The following ZNF385B variants were observed in gnomAD, a reference collection of about 807,000 sequenced individuals.
ZNF385B encodes the protein zinc finger protein 385B, also known as zinc finger protein 533.
A neutral mutation model predicts 39.2 loss-of-function variants in ZNF385B; 23 were observed. The observed-to-expected ratio is 0.59, with a 90% confidence interval of 0.42 to 0.83. The LOEUF (loss-of-function observed/expected upper bound fraction) is 0.83. Ranked by LOEUF, ZNF385B falls within the 40% of genes least tolerant of loss-of-function variation. The pLI is 0.00. For missense variants in ZNF385B, 552 were observed against 598.9 expected, an observed-to-expected ratio of 0.92 and a Z score of 0.82; for synonymous variants, 205 against 222.6, an observed-to-expected ratio of 0.92 and a Z score of 0.70.
At chr2:179,801,208 T>C (rs922532696) in intron 1 of ZNF385B, among the ~76,000 whole-genome samples, 1 of 152,098 alleles carries the variant, frequency 6.6e-6, no homozygotes, top group Non-Finnish European at 1.5e-5. Flanking sequence ...TCCTTCATAC[T>C]ATGGAGTTGT....
chr2:179,798,688 G>A (rs958114386), intron 1 of ZNF385B, among the ~76,000 whole-genome samples: 1 of 151,924 alleles, frequency 6.6e-6, no homozygotes, highest in Non-Finnish European at 1.5e-5. Flanking sequence ...CTTTTATTTT[G>A]TTCCCATGGT....
At chr2:179,611,684 A>G (rs1021742250) in intron 3 of ZNF385B, among the ~76,000 whole-genome samples, 4 of 152,152 alleles carry the variant, frequency 2.6e-5, no homozygotes, top group African/African-American at 9.7e-5. Context: ...GGGAGACTTT[A>G]TTATGGCTTT....
chr2:179,698,702 C>A (rs528281697), intron 3 of ZNF385B, among the ~76,000 whole-genome samples: 2 of 152,128 alleles, frequency 1.3e-5, no homozygotes, highest in Non-Finnish European at 2.9e-5. Flanking sequence ...TTATTCTGCA[C>A]ATAATACCAG....
At chr2:179,858,911 C>A (rs545289033) in intron 1 of ZNF385B, among the ~76,000 whole-genome samples, 42 of 152,262 alleles carry the variant, frequency 2.8e-4, no homozygotes, top group African/African-American at 9.9e-4. Context: ...TCTTCAAATT[C>A]AGCTTGGAAA....
Position 179,544,075 on chromosome 2 carries a change from A to G in ZNF385B, c.441+752T>C, listed in dbSNP as rs2060083905. Reference sequence around the variant, plus strand: ...GTATGCATTCACCTGAACTGTGAACATTTTATTTTACTATAAGGTTTAGAA... The same window carrying G: ...GTATGCATTCACCTGAACTGTGAACGTTTTATTTTACTATAAGGTTTAGAA... On this transcript the variant is annotated intron_variant, in intron 4 of 9. Transcript: ENST00000410066. Among the ~76,000 whole-genome samples the G allele has an allele frequency of 3.3e-5, 5 of 152,174 alleles. No homozygotes were observed. In the South Asian group the frequency reaches 1.0e-3, roughly 32 times the overall value.
chr2:179,461,046 AAG>A (rs2051273070), intron 6 of ZNF385B, among the ~76,000 whole-genome samples: 1 of 152,208 alleles, frequency 6.6e-6, no homozygotes, highest in Non-Finnish European at 1.5e-5. Flanking sequence ...TTCTGGGAGA[AAG>A]AGTGTTCCAG....
intron 3 of ZNF385B, among the ~76,000 whole-genome samples, chr2:179,640,335 T>C (rs1302831070): frequency 6.6e-6 from 1 of 152,126 alleles, no homozygotes; most frequent in East Asian, 1.9e-4. Context: ...TCTTAGGATG[T>C]CCATGCTGAA....
intron 3 of ZNF385B, among the ~76,000 whole-genome samples, chr2:179,713,163 T>C (rs1190808179): frequency 6.6e-6 from 1 of 152,180 alleles, no homozygotes; most frequent in African/African-American, 2.4e-5. Flanking sequence ...TTAAATGCAT[T>C]TTCAACTTAC....
At chr2:179,724,171 T>C (rs1366217541) in intron 3 of ZNF385B, among the ~76,000 whole-genome samples, 1 of 151,994 alleles carries the variant, frequency 6.6e-6, no homozygotes, top group Non-Finnish European at 1.5e-5. Context: ...TCACCGGGCA[T>C]GGTGGCGGGC....
At chr2:179,695,862 G>A (rs1454290845) in intron 3 of ZNF385B, among the ~76,000 whole-genome samples, 2 of 152,120 alleles carry the variant, frequency 1.3e-5, no homozygotes, top group Non-Finnish European at 1.5e-5. Flanking sequence ...ACAGACAAGT[G>A]AATAAACAAA....
chr2:179,443,816 C>T (rs2049196845), intron 9 of ZNF385B, among the ~76,000 whole-genome samples: 1 of 152,186 alleles, frequency 6.6e-6, no homozygotes, highest in South Asian at 2.1e-4. Context: ...TTGTCTTAAA[C>T]CATGACGAGA....
chr2:179,643,188 T>C (rs903970203), intron 3 of ZNF385B, among the ~76,000 whole-genome samples: 1 of 152,016 alleles, frequency 6.6e-6, no homozygotes, highest in Non-Finnish European at 1.5e-5. Flanking sequence ...TTTGAATAAC[T>C]AGTATTCACC....
At chr2:179,755,257 A>T (rs1056559968) in intron 3 of ZNF385B, among the ~76,000 whole-genome samples, 1 of 152,200 alleles carries the variant, frequency 6.6e-6, no homozygotes, top group African/African-American at 2.4e-5. Context: ...TGAGTTTCTT[A>T]ATCCTGAATT....
chr2:179,681,148 T>C (rs1400288600), intron 3 of ZNF385B, among the ~76,000 whole-genome samples: 1 of 151,794 alleles, frequency 6.6e-6, no homozygotes, highest in Non-Finnish European at 1.5e-5. Flanking sequence ...CTGGCATTGA[T>C]ATTTTCTCCT....
chr2:179,739,509 G>T (rs1701964810), intron 3 of ZNF385B, among the ~76,000 whole-genome samples: 1 of 152,204 alleles, frequency 6.6e-6, no homozygotes, highest in South Asian at 2.1e-4. Flanking sequence ...ATCCCAGTTT[G>T]AGTCTTAGCT....
chr2:179,697,582 A>T (rs569797069), intron 3 of ZNF385B, among the ~76,000 whole-genome samples: 2 of 152,336 alleles, frequency 1.3e-5, no homozygotes, highest in Admixed American at 1.3e-4. Context: ...GAATGGACTA[A>T]TACAGTAAGC....
At chr2:179,853,243 A>C (rs150339526) in intron 1 of ZNF385B, among the ~76,000 whole-genome samples, 2 of 152,352 alleles carry the variant, frequency 1.3e-5, no homozygotes, top group East Asian at 3.9e-4. Context: ...GACTGTCCTT[A>C]AATGAGTCTG....
chr2:179,665,559 T>G (rs1459809405), intron 3 of ZNF385B, among the ~76,000 whole-genome samples: 1 of 152,242 alleles, frequency 6.6e-6, no homozygotes, highest in Non-Finnish European at 1.5e-5. Flanking sequence ...AAACTATTTA[T>G]TCTCTATCAG....
intron 1 of ZNF385B, among the ~76,000 whole-genome samples, chr2:179,833,124 T>A (rs1057343534): frequency 6.6e-6 from 1 of 152,186 alleles, no homozygotes; most frequent in Admixed American, 6.5e-5. Flanking sequence ...AATGTATGTA[T>A]GTATAGGTGT....
Sources: allele counts gnomAD v4.1 joint callset (sites outside exome capture counted in the v4.1 genomes callset), GRCh38; gene constraint gnomAD v4.1.1; transcripts MANE v1.5; gene names NCBI Gene and HGNC (gene_info 2026-07-23, HGNC 2026-07-21).